Variants in ANKS1B observed in about 807,000 individuals in gnomAD.
ANKS1B encodes the protein ankyrin repeat and sterile alpha motif domain containing 1B, also known as ankyrin repeat and sterile alpha motif domain-containing protein 1B.
A neutral mutation model predicts 148.3 loss-of-function variants in ANKS1B; 36 were observed. The ratio of observed to expected loss-of-function variants is 0.24; its 90% confidence interval spans 0.19 to 0.32. The LOEUF (loss-of-function observed/expected upper bound fraction) is 0.32. Ranked by LOEUF, ANKS1B falls within the 10% of genes least tolerant of loss-of-function variation. The probability of loss-of-function intolerance (pLI) is 1.00; values close to 1 mark genes in which losing one functional copy is unlikely to be tolerated. For missense variants in ANKS1B, 1,157 were observed against 1,542.6 expected (o/e 0.75, Z 4.19); for synonymous variants, 542 against 560.8 (o/e 0.97, Z 0.47).
intron 17 of ANKS1B, among the ~76,000 whole-genome samples, chr12:98,875,449 C>A (rs1313059735): frequency 6.6e-6 from 1 of 152,178 alleles, no homozygotes; most frequent in Non-Finnish European, 1.5e-5. Flanking sequence ...CCAACTCTCT[C>A]CTCCCTTTCC....
chr12:99,016,031 C>A (rs558784768), intron 17 of ANKS1B, among the ~76,000 whole-genome samples: 8 of 152,282 alleles, frequency 5.3e-5, no homozygotes, highest in African/African-American at 1.9e-4. Flanking sequence ...CCAGGCTTTA[C>A]ATGATTGGTA....
At chr12:99,910,077 A>G (rs2093946035) in intron 1 of ANKS1B, among the ~76,000 whole-genome samples, 1 of 152,188 alleles carries the variant, frequency 6.6e-6, no homozygotes, top group Non-Finnish European at 1.5e-5. Flanking sequence ...ATTTGCCATT[A>G]AAAAGGAATA....
At chr12:99,640,264 C>T (rs1021882700) in intron 9 of ANKS1B, among the ~76,000 whole-genome samples, 5 of 152,030 alleles carry the variant, frequency 3.3e-5, no homozygotes, top group African/African-American at 1.2e-4. Context: ...TTCAGCTGTC[C>T]GTACTTCATC....
At chr12:99,733,852 T>C (rs2059386160) in intron 8 of ANKS1B, among the ~76,000 whole-genome samples, 1 of 152,212 alleles carries the variant, frequency 6.6e-6, no homozygotes, top group South Asian at 2.1e-4. Context: ...TTCATACCTG[T>C]ATCTAAACAA....
intron 1 of ANKS1B, among the ~76,000 whole-genome samples, chr12:99,943,809 CTCTT>C (rs145915003): frequency 0.017 from 2,629 of 152,114 alleles, 80 homozygotes; most frequent in African/African-American, 0.06. Context: ...ACAACTCATT[CTCTT>C]TTTTTTAAAT....
At chr12:99,789,783 G>A (rs1203317244) in intron 4 of ANKS1B, among the ~76,000 whole-genome samples, 1 of 151,842 alleles carries the variant, frequency 6.6e-6, no homozygotes, top group Non-Finnish European at 1.5e-5. Flanking sequence ...CGCCCCAAAC[G>A]CACCCAATCT....
At chr12:99,653,263 C>T (rs1484083507) in intron 9 of ANKS1B, among the ~76,000 whole-genome samples, 1 of 152,018 alleles carries the variant, frequency 6.6e-6, no homozygotes, top group Non-Finnish European at 1.5e-5. Context: ...TTACTGACAG[C>T]TTTTTGATTT....
chr12:99,678,059 T>C (rs2098591408), intron 8 of ANKS1B, among the ~76,000 whole-genome samples: 1 of 152,182 alleles, frequency 6.6e-6, no homozygotes, highest in African/African-American at 2.4e-5. Flanking sequence ...AGGGAGAATA[T>C]TTGGCATGCT....
intron 14 of ANKS1B, among the ~76,000 whole-genome samples, chr12:99,182,163 C>T (rs9738628): frequency 2.0e-5 from 3 of 152,024 alleles, no homozygotes; most frequent in Admixed American, 1.3e-4. Flanking sequence ...GGTGGCAGGG[C>T]GTAGGGACTG....
chr12:99,877,714 G>T (rs2092208049), intron 1 of ANKS1B, among the ~76,000 whole-genome samples: 2 of 152,162 alleles, frequency 1.3e-5, no homozygotes, highest in African/African-American at 4.8e-5. Flanking sequence ...TATGAGTTAG[G>T]ATTGTGTTTA....
intron 12 of ANKS1B, among the ~76,000 whole-genome samples, chr12:99,322,537 G>A (rs189135783): frequency 1.2e-3 from 179 of 150,180 alleles, no homozygotes; most frequent in Non-Finnish European, 1.6e-3. Context: ...TCTCATACAG[G>A]AACAAAAACA....
chr12:98,874,633 A>G (rs2099682910), intron 17 of ANKS1B, among the ~76,000 whole-genome samples: 2 of 152,214 alleles, frequency 1.3e-5, no homozygotes, highest in African/African-American at 4.8e-5. Flanking sequence ...GAGAGGAAAC[A>G]TGGAGATTTA....
chr12:99,753,441 C>T (rs981386354), intron 8 of ANKS1B, among the ~76,000 whole-genome samples: 1 of 152,080 alleles, frequency 6.6e-6, no homozygotes, highest in African/African-American at 2.4e-5. Context: ...TTCTTGAACT[C>T]CAAGAAGAGG....
At chr12:99,010,758 TTA>T (rs1491409764) in intron 17 of ANKS1B, among the ~76,000 whole-genome samples, 25 of 93,138 alleles carry the variant, frequency 2.7e-4, no homozygotes, top group African/African-American at 1.2e-3. Context: ...ATTATTATTA[TTA>T]TTTTTTTTTG....
chr12:98,990,323 C>T (rs35861426), intron 17 of ANKS1B, among the ~76,000 whole-genome samples: 110 of 151,332 alleles, frequency 7.3e-4, no homozygotes, highest in Non-Finnish European at 9.3e-4. Flanking sequence ...TTTTTGGGTA[C>T]GGAAACGCTA....
intron 12 of ANKS1B, among the ~76,000 whole-genome samples, chr12:99,322,844 C>T (rs1451196184): frequency 6.6e-6 from 1 of 152,208 alleles, no homozygotes; most frequent in African/African-American, 2.4e-5. Context: ...CCGTACCGTT[C>T]TCACGGTAGT....
rs565793174 is a variant in ANKS1B, at chr12:99,954,173, C to T, written c.134+29931G>A. Among the ~76,000 whole-genome samples the T allele has an allele frequency of 2.1e-4, 32 of 152,168 alleles. No individual in the cohort carries two copies. In the South Asian group the frequency reaches 6.5e-3, roughly 31 times the overall value. On this transcript the variant is annotated intron_variant, in intron 1 of 26. Coordinates refer to ENST00000683438, the MANE Select transcript of ANKS1B (RefSeq NM_001352186.2). ...ATGTCAAGTGATCAGAATAAAATAT[C>T]CAAAAATTAACAAAACCTGAATTTT...
intron 17 of ANKS1B, among the ~76,000 whole-genome samples, chr12:98,870,459 C>T (rs1035378320): frequency 6.6e-6 from 1 of 152,190 alleles, no homozygotes; most frequent in African/African-American, 2.4e-5. Flanking sequence ...TCTTTACTTC[C>T]TTTTCCTCCC....
chr12:99,866,359 T>G (rs1490587471), intron 1 of ANKS1B, among the ~76,000 whole-genome samples: 1 of 152,182 alleles, frequency 6.6e-6, no homozygotes, highest in Non-Finnish European at 1.5e-5. Context: ...TACTTGCATT[T>G]TTCAAGCACA....
Sources: gnomAD v4.1 joint callset for allele counts (sites outside exome capture counted in the v4.1 genomes callset) on GRCh38, gnomAD v4.1.1 for gene constraint, MANE v1.5 for transcripts, NCBI Gene and HGNC (gene_info 2026-07-23, HGNC 2026-07-21) for gene names.